CSMD1: variants seen among roughly 807,000 people sequenced by gnomAD.
CSMD1 encodes CUB and sushi domain-containing protein 1.
A neutral mutation model predicts 417.5 loss-of-function variants in CSMD1; 213 were observed. The observed-to-expected ratio is 0.51, with a 90% CI of 0.46 to 0.57. The LOEUF (loss-of-function observed/expected upper bound fraction) is 0.57, where lower values mean the gene tolerates loss of function less well. Among genes scored for constraint, CSMD1 ranks in the 20% least tolerant of loss-of-function variants. The probability of loss-of-function intolerance (pLI) is 0.00; values close to 1 mark genes in which losing one functional copy is unlikely to be tolerated. For missense variants in CSMD1, 6,923 were observed against 4,529.7 expected, an observed-to-expected ratio of 1.53 and a Z score of -15.17; for synonymous variants, 2,862 against 1,736.8, an observed-to-expected ratio of 1.65 and a Z score of -16.11.
chr8:4,588,055 G>A (rs570743951), intron 2 of CSMD1, among the ~76,000 whole-genome samples: 2 of 152,084 alleles, frequency 1.3e-5, no homozygotes, highest in African/African-American at 4.8e-5. Context: ...AAAGGAGCAA[G>A]GTAAAGCAAA....
chr8:2,963,633 T>C (rs982311509), intron 59 of CSMD1, among the ~76,000 whole-genome samples: 1 of 152,130 alleles, frequency 6.6e-6, no homozygotes, highest in African/African-American at 2.4e-5. Flanking sequence ...TCAAAACATA[T>C]AGGATTGAAC....
intron 25 of CSMD1, among the ~76,000 whole-genome samples, chr8:3,293,160 C>G (rs944212253): frequency 6.6e-6 from 1 of 152,072 alleles, no homozygotes. Context: ...TGCCCCCACT[C>G]TCTTCTGGCT....
chr8:4,564,721 A>G (rs1563290853), intron 2 of CSMD1, among the ~76,000 whole-genome samples: 1 of 152,228 alleles, frequency 6.6e-6, no homozygotes, highest in Non-Finnish European at 1.5e-5. Flanking sequence ...GATAATAGTG[A>G]GGGCATTTTG....
chr8:3,481,308 C>T (rs113289809), intron 11 of CSMD1, among the ~76,000 whole-genome samples: 192 of 151,998 alleles, frequency 1.3e-3, no homozygotes, highest in African/African-American at 4.5e-3. Context: ...GGAATCTATA[C>T]AATATAAACT....
intron 5 of CSMD1, among the ~76,000 whole-genome samples, chr8:3,952,440 A>C (rs114667157): frequency 9.3e-4 from 141 of 152,370 alleles, no homozygotes; most frequent in African/African-American, 3.4e-3. Context: ...AATTATTTTC[A>C]TAAATTAATT....
chr8:3,155,695 G>A (rs951887487), intron 39 of CSMD1, among the ~76,000 whole-genome samples: 11 of 152,116 alleles, frequency 7.2e-5, no homozygotes, highest in Non-Finnish European at 2.9e-5. Flanking sequence ...GTCTGTAAAA[G>A]TAGCTCAATG....
chr8:4,137,148 C>T (rs1585395980), intron 3 of CSMD1, among the ~76,000 whole-genome samples: 1 of 152,162 alleles, frequency 6.6e-6, no homozygotes. Context: ...ATAACAGATG[C>T]TGTAAATAGG....
chr8:4,104,317 C>T (rs1193215174), intron 3 of CSMD1, among the ~76,000 whole-genome samples: 1 of 152,190 alleles, frequency 6.6e-6, no homozygotes, highest in African/African-American at 2.4e-5. Context: ...TTGGTGTTCT[C>T]CACATGAGTG....
chr8:4,329,442 G>T (rs1042413258), intron 3 of CSMD1, among the ~76,000 whole-genome samples: 1 of 152,014 alleles, frequency 6.6e-6, no homozygotes, highest in Non-Finnish European at 1.5e-5. Context: ...GCAGGCGTCA[G>T]CACACTGGCT....
At chr8:4,697,041 G>A (rs1807180584) in intron 1 of CSMD1, among the ~76,000 whole-genome samples, 1 of 151,984 alleles carries the variant, frequency 6.6e-6, no homozygotes, top group South Asian at 2.1e-4. Context: ...GCGTGGTGGT[G>A]CGTGCCTGTA....
At chr8:3,837,636 G>A (rs755115747) in intron 5 of CSMD1, among the ~76,000 whole-genome samples, 10 of 152,104 alleles carry the variant, frequency 6.6e-5, no homozygotes, top group Admixed American at 1.3e-4. Flanking sequence ...AATTTTCTGC[G>A]GATTGTAAGA....
At chr8:4,983,994 T>A (rs1163269201) in intron 1 of CSMD1, among the ~76,000 whole-genome samples, 1 of 152,092 alleles carries the variant, frequency 6.6e-6, no homozygotes, top group Non-Finnish European at 1.5e-5. Flanking sequence ...GAATTGGAAG[T>A]CACAAGGGCA....
In CSMD1 at chr8:4,425,962, G is replaced by C. The variant is rs528655309; in HGVS notation, c.303-5897C>G. On this transcript the variant is annotated intron_variant, in intron 2 of 69. Coordinates refer to ENST00000635120, the MANE Select transcript of CSMD1 (RefSeq NM_033225.6). ...AGCATGCTAAAGTATCTTCATTTTA[G>C]AGAGGTAGACATAGCCCAAAATTAA... Among the ~76,000 whole-genome samples, 10 of 151,892 alleles carry C rather than the reference G, an allele frequency of 6.6e-5. No individual in the cohort carries two copies. In the East Asian group the frequency reaches 1.2e-3, roughly 18 times the overall value.
chr8:3,338,695 G>A (rs1807437443), intron 23 of CSMD1, among the ~76,000 whole-genome samples: 1 of 152,128 alleles, frequency 6.6e-6, no homozygotes, highest in South Asian at 2.1e-4. Flanking sequence ...CCTGAGGACT[G>A]TAACTTTCCA....
chr8:4,302,627 C>G (rs13260055), intron 3 of CSMD1, among the ~76,000 whole-genome samples: 112,225 of 152,124 alleles, frequency 0.74, 41,595 homozygotes, highest in East Asian at 0.85. Context: ...TTGTGTTTTT[C>G]TCTGACACAA....
intron 5 of CSMD1, among the ~76,000 whole-genome samples, chr8:3,771,463 G>A (rs769029184): frequency 2.0e-5 from 3 of 152,140 alleles, no homozygotes; most frequent in Admixed American, 6.5e-5. Flanking sequence ...TGGTGGGGGG[G>A]CAAGCAGGGC....
chr8:4,524,774 A>G (rs536310970), intron 2 of CSMD1, among the ~76,000 whole-genome samples: 1 of 152,288 alleles, frequency 6.6e-6, no homozygotes, highest in African/African-American at 2.4e-5. Context: ...TCGACAAAGT[A>G]TTTAGAAATT....
At chr8:3,161,703 T>A (rs1057320771) in intron 38 of CSMD1, among the ~76,000 whole-genome samples, 1 of 152,122 alleles carries the variant, frequency 6.6e-6, no homozygotes, top group African/African-American at 2.4e-5. Flanking sequence ...TAATAGTTTT[T>A]AAAACTTACT....
intron 12 of CSMD1, among the ~76,000 whole-genome samples, chr8:3,448,397 G>GGGGA (rs1815462345): frequency 7.6e-6 from 1 of 131,500 alleles, no homozygotes; most frequent in Non-Finnish European, 1.7e-5. Context: ...GGAGGAGGAA[G>GGGGA]GGAAGGAAGG....
Sources: gnomAD v4.1 joint callset for allele counts (sites outside exome capture counted in the v4.1 genomes callset) on GRCh38, gnomAD v4.1.1 for gene constraint, MANE v1.5 for transcripts, NCBI Gene and HGNC (gene_info 2026-07-23, HGNC 2026-07-21) for gene names.